The following DIP2C variants were observed in gnomAD, a reference collection of about 807,000 sequenced individuals.
DIP2C encodes the protein DIP2 acetate--CoA ligase C (putative), also known as disco-interacting protein 2 homolog C.
Under a neutral mutation model 192.4 loss-of-function variants are expected in DIP2C, and 33 were observed. The ratio of observed to expected loss-of-function variants is 0.17; its 90% CI spans 0.13 to 0.23. The LOEUF (loss-of-function observed/expected upper bound fraction) is 0.23. Among genes scored for constraint, DIP2C ranks in the 10% least tolerant of loss-of-function variants. DIP2C has a pLI of 1.00. For synonymous variants in DIP2C, 979 were observed against 864.1 expected (o/e 1.13, Z -2.33); for missense variants, 1,537 against 2,110.1 (o/e 0.73, Z 5.32).
At chr10:411,332 G>A (rs1429187814) in intron 8 of DIP2C, among the ~76,000 whole-genome samples, 1 of 152,162 alleles carries the variant, frequency 6.6e-6, no homozygotes, top group Admixed American at 6.5e-5. Flanking sequence ...GACGTGAAGG[G>A]AAATTAACAG....
At position 364,595 on chromosome 10, in the gene DIP2C, G is replaced by A. The variant is rs747014499; in HGVS notation, c.2269-13C>T. On this transcript the variant is annotated splice_polypyrimidine_tract_variant and intron_variant, in intron 19 of 36. Transcript: ENST00000280886. ...TCATGGGAAACACCTGGGGGAAACAGCATCCATCAGGCCACTGTTCATGTG... is the reference window on the plus strand; with the variant it reads ...TCATGGGAAACACCTGGGGGAAACAACATCCATCAGGCCACTGTTCATGTG... The A allele has an allele frequency of 5.0e-6, 8 of 1,611,918 alleles. No homozygotes were observed. The highest frequency in any genetic ancestry group is 6.8e-6 in the Non-Finnish European group (8 of 1,178,278).
intron 28 of DIP2C, among the ~76,000 whole-genome samples, chr10:344,442 G>C (rs1958320726): frequency 6.6e-6 from 1 of 152,096 alleles, no homozygotes; most frequent in Admixed American, 6.5e-5. Context: ...CGGCATCTGA[G>C]CTGAGAGGGT....
intron 1 of DIP2C, among the ~76,000 whole-genome samples, chr10:587,155 G>A (rs1422706835): frequency 2.7e-5 from 4 of 149,054 alleles, no homozygotes; most frequent in East Asian, 2.0e-4. Context: ...CGGACCACCC[G>A]GGTCCCTGCT....
intron 10 of DIP2C, among the ~76,000 whole-genome samples, chr10:393,021 G>A (rs981979841): frequency 2.6e-5 from 4 of 152,218 alleles, no homozygotes; most frequent in Non-Finnish European, 4.4e-5. Context: ...ACCCAAGGAC[G>A]GGACCCGGCT....
Position 445,980 on chromosome 10 carries a change from A to C in DIP2C, c.269-4984T>G, listed in dbSNP as rs577493467. On this transcript the variant is annotated intron_variant, in intron 3 of 36. Coordinates refer to ENST00000280886, the MANE Select transcript of DIP2C (RefSeq NM_014974.3). ...TCTGTTGTGAAGAGTCTCACGGTCC[A>C]CTGGGCATCTGTATACATCAGTCGT... Among the ~76,000 whole-genome samples, 4 of 151,738 alleles carry C rather than the reference A, an allele frequency of 2.6e-5. No individual in the cohort carries two copies. The East Asian group carries it at 7.8e-4, about 30-fold the overall frequency.
At chr10:568,852 G>A (rs1007421264) in intron 1 of DIP2C, among the ~76,000 whole-genome samples, 2 of 138,854 alleles carry the variant, frequency 1.4e-5, no homozygotes, top group African/African-American at 2.6e-5. Flanking sequence ...TTCTGCAAAT[G>A]TCTACCTGCA....
At chr10:684,721 C>G (rs529004521) in intron 1 of DIP2C, among the ~76,000 whole-genome samples, 6 of 152,254 alleles carry the variant, frequency 3.9e-5, no homozygotes, top group Admixed American at 3.3e-4. Flanking sequence ...AAGCCACCCC[C>G]AAAACCTACA....
At position 666,192 on chromosome 10, in the gene DIP2C, CTTAT is replaced by C. The variant is rs1857077899; in HGVS notation, c.85+23298_85+23301del. 1 of 152,130 alleles carries C rather than the reference CTTAT, an allele frequency of 6.6e-6. No individual in the cohort carries two copies. Among genetic ancestry groups the C allele is most frequent in the Non-Finnish European group, 1.5e-5 (1 of 68,050 alleles). 9.4% of individuals were successfully genotyped at this position (152,130 alleles called of 1,614,324 possible). A position where few individuals can be genotyped will look rare whatever the true frequency, so the allele number is the denominator to read the frequency against. Reference sequence around the variant, plus strand: ...GAGTTTTTGTTTTCTCCGAACTGGCCTTATTATTATTAATTATTCCTTCAGCACC... The same window carrying C: ...GAGTTTTTGTTTTCTCCGAACTGGCCTATTATTAATTATTCCTTCAGCACC... On this transcript the variant is annotated intron_variant, in intron 1 of 36. Coordinates refer to ENST00000280886, the MANE Select transcript of DIP2C (RefSeq NM_014974.3). This position sits in a 1 kb window ranked among gnomAD's most constrained non-coding sequence, Gnocchi z 4.1.
intron 3 of DIP2C, among the ~76,000 whole-genome samples, chr10:470,663 C>CCTG (rs1970555292): frequency 6.6e-6 from 1 of 152,158 alleles, no homozygotes; most frequent in Non-Finnish European, 1.5e-5. Context: ...TATCAACACC[C>CCTG]CTGCAGCATC....
intron 4 of DIP2C, among the ~76,000 whole-genome samples, chr10:432,241 G>A (rs1966865445): frequency 6.6e-6 from 1 of 152,146 alleles, no homozygotes; most frequent in African/African-American, 2.4e-5. Flanking sequence ...CAGCTTTTAT[G>A]TTCTGAAAGA....
At chr10:597,320 G>A (rs886435760) in intron 1 of DIP2C, among the ~76,000 whole-genome samples, 9 of 152,164 alleles carry the variant, frequency 5.9e-5, no homozygotes, top group South Asian at 2.1e-4. Flanking sequence ...CTTGGCCTCC[G>A]TAGCCCCTGC....
intron 1 of DIP2C, among the ~76,000 whole-genome samples, chr10:549,295 G>A (rs1045362465): frequency 9.1e-4 from 139 of 152,134 alleles, no homozygotes; most frequent in African/African-American, 2.9e-3. Flanking sequence ...AACCCCACAA[G>A]TAAGCTATGT....
intron 14 of DIP2C, among the ~76,000 whole-genome samples, chr10:387,259 A>G (rs934187792): frequency 9.2e-5 from 14 of 152,068 alleles, no homozygotes; most frequent in Admixed American, 7.9e-4. Context: ...CGTGTCCAAG[A>G]CCCTCACACC....
chr10:448,875 G>C (rs1194240648), intron 3 of DIP2C, among the ~76,000 whole-genome samples: 1 of 79,652 alleles, frequency 1.3e-5, no homozygotes, highest in African/African-American at 8.1e-5. Flanking sequence ...CACTCCCGTC[G>C]ATACTCAGGA....
At chr10:404,184 A>G (rs1424102574) in intron 9 of DIP2C, among the ~76,000 whole-genome samples, 4 of 150,262 alleles carry the variant, frequency 2.7e-5, no homozygotes, top group African/African-American at 9.8e-5. Context: ...GCACATGTGC[A>G]TCATTTTTGC....
intron 8 of DIP2C, among the ~76,000 whole-genome samples, chr10:413,069 C>T (rs936544989): frequency 6.6e-6 from 1 of 152,164 alleles, no homozygotes; most frequent in Admixed American, 6.5e-5. Context: ...AATGCAGCCT[C>T]GACCTCCTCC....
At chr10:422,664 A>C (rs901768792) in intron 5 of DIP2C, among the ~76,000 whole-genome samples, 160 bp downstream of exon 5, 2 of 152,226 alleles carry the variant, frequency 1.3e-5, no homozygotes, top group Non-Finnish European at 2.9e-5. Context: ...AGAAGTGTAA[A>C]GCAGCTTCCA....
At chr10:303,378 A>G (rs1956149757) in intron 32 of DIP2C, among the ~76,000 whole-genome samples, 1 of 152,228 alleles carries the variant, frequency 6.6e-6, no homozygotes, top group Non-Finnish European at 1.5e-5. Context: ...TGTTAAATAA[A>G]TTAACCTACA....
chr10:455,316 C>T, intron 3 of DIP2C, among the ~76,000 whole-genome samples: 1 of 144,446 alleles, frequency 6.9e-6, no homozygotes, highest in East Asian at 2.0e-4. Flanking sequence ...TGAGTCCCTG[C>T]CTGAGGGGAG....
Sources: gnomAD v4.1 joint callset for allele counts (sites outside exome capture counted in the v4.1 genomes callset) on GRCh38, gnomAD v4.1.1 for gene constraint, Gnocchi (gnomAD v3.1) non-coding constraint, MANE v1.5 for transcripts, NCBI Gene and HGNC (gene_info 2026-07-23, HGNC 2026-07-21) for gene names.